TNRC6C: variants seen among roughly 807,000 people sequenced by gnomAD.
TNRC6C encodes the protein trinucleotide repeat containing adaptor 6C.
A neutral mutation model predicts 153.7 loss-of-function variants in TNRC6C; 20 were observed. That is an observed-to-expected ratio of 0.13 (90% CI 0.09 to 0.19). The LOEUF is 0.19. Ranked by LOEUF, TNRC6C falls within the 10% of genes least tolerant of loss-of-function variation. TNRC6C has a pLI of 1.00. For synonymous variants in TNRC6C, 811 were observed against 841.4 expected (o/e 0.96, Z 0.63); for missense variants, 1,987 against 2,172.0 (o/e 0.91, Z 1.69).
chr17:78,069,952 G>A (rs1334990018), intron 5 of TNRC6C, among the ~76,000 whole-genome samples: 2 of 152,144 alleles, frequency 1.3e-5, no homozygotes, highest in African/African-American at 4.8e-5. Context: ...GTGCCTCTTC[G>A]AGAGAACAGG....
At chr17:77,967,541 A>G (rs745893445) in intron 1 of TNRC6C, among the ~76,000 whole-genome samples, 41 of 152,162 alleles carry the variant, frequency 2.7e-4, no homozygotes, top group Non-Finnish European at 5.1e-4. Context: ...GGAAGCTGAC[A>G]GGTGAGGAAC....
At chr17:78,048,586 G>C (rs976584947) in intron 2 of TNRC6C, among the ~76,000 whole-genome samples, 2 of 152,176 alleles carry the variant, frequency 1.3e-5, no homozygotes, top group African/African-American at 4.8e-5. Flanking sequence ...ATGTGCTAAC[G>C]TGCATTGTGA....
At chr17:78,051,476 CAAGT>C in intron 3 of TNRC6C, 28 bp downstream of exon 5, 2 of 787,136 alleles carry the variant, frequency 2.5e-6, no homozygotes, top group Admixed American at 7.0e-5. Context: ...TGTTTCTTTA[CAAGT>C]AAAAAAAAAA....
exon 20 of TNRC6C, chr17:78,107,029 A>G (rs2073709616): frequency 6.6e-6 from 1 of 152,194 alleles, no homozygotes; most frequent in South Asian, 2.1e-4. Context: ...CCTCAGAGTG[A>G]CTGCATCTCA....
chr17:78,096,591 A>G (rs938294207), intron 16 of TNRC6C, among the ~76,000 whole-genome samples: 1 of 152,226 alleles, frequency 6.6e-6, no homozygotes, highest in Non-Finnish European at 1.5e-5. Flanking sequence ...TATTCACTGC[A>G]CAACGCCATG....
chr17:78,059,304 G>A (rs1209477722), intron 3 of TNRC6C, among the ~76,000 whole-genome samples: 1 of 152,174 alleles, frequency 6.6e-6, no homozygotes, highest in African/African-American at 2.4e-5. Context: ...AGTGATCTGT[G>A]CTTTTTGTGG....
At chr17:78,046,069 A>G (rs2072402955) in intron 2 of TNRC6C, among the ~76,000 whole-genome samples, 1 of 151,882 alleles carries the variant, frequency 6.6e-6, no homozygotes, top group African/African-American at 2.4e-5. Context: ...AATGAGGTTG[A>G]TTATTGTTTC....
At chr17:78,078,604 A>T (rs563937744) in intron 9 of TNRC6C, among the ~76,000 whole-genome samples, 136 of 152,308 alleles carry the variant, frequency 8.9e-4, no homozygotes, top group Non-Finnish European at 1.8e-3. Flanking sequence ...GTTGTGTGTG[A>T]AACATTGTAT....
chr17:78,035,584 C>T (rs1234853601), intron 2 of TNRC6C, among the ~76,000 whole-genome samples: 5 of 152,120 alleles, frequency 3.3e-5, no homozygotes, highest in Admixed American at 2.6e-4. Context: ...GGAGAAGGAT[C>T]GCTTGAGCCC....
At chr17:78,069,582 G>A (rs999061878) in intron 5 of TNRC6C, among the ~76,000 whole-genome samples, 4 of 152,096 alleles carry the variant, frequency 2.6e-5, no homozygotes, top group Non-Finnish European at 5.9e-5. Context: ...TAGAGACAGA[G>A]TCTCACTTTG....
At position 78,104,061 on chromosome 17, in the gene TNRC6C, G is replaced by A. The variant is rs915724701; in HGVS notation, c.4713-424G>A. ...GAGTTGCTGTGTCTACTCCCTCCCT[G>A]TGACACATTCCTACACAGGGCCCAG... On this transcript the variant is annotated intron_variant, in intron 19 of 19. Transcript: ENST00000301624. The surrounding 1 kb of genome is among the most constrained non-coding windows in gnomAD (Gnocchi z 6.2). 5.9e-5 allele frequency among the ~76,000 whole-genome samples: 9 copies of A among 152,118 alleles called. No individual in the cohort carries two copies. The highest frequency in any genetic ancestry group is 8.8e-5 in the Non-Finnish European group (6 of 68,030).
intron 1 of TNRC6C, among the ~76,000 whole-genome samples, chr17:77,960,722 A>T (rs1289393968): frequency 1.3e-5 from 2 of 152,222 alleles, no homozygotes; most frequent in East Asian, 3.8e-4. Context: ...CCAGAACAGC[A>T]GAGGTGGCAA....
chr17:77,987,930 T>C (rs955131797), intron 1 of TNRC6C, among the ~76,000 whole-genome samples: 4 of 152,068 alleles, frequency 2.6e-5, no homozygotes, highest in African/African-American at 9.7e-5. Flanking sequence ...TCCGCCCGCC[T>C]TGGCCTCTCA....
At chr17:78,068,799 C>CA (rs927737889) in intron 5 of TNRC6C, among the ~76,000 whole-genome samples, 11 of 150,300 alleles carry the variant, frequency 7.3e-5, no homozygotes, top group East Asian at 5.8e-4. Context: ...GACTCCCTCT[C>CA]AAAAAAAAAG....
intron 1 of TNRC6C, among the ~76,000 whole-genome samples, chr17:78,022,903 CTTA>C (rs761389135): frequency 1.0e-3 from 156 of 152,038 alleles, no homozygotes; most frequent in Admixed American, 1.9e-3. Context: ...ACCTTTTTTT[CTTA>C]TTATTCCATA....
intron 2 of TNRC6C, among the ~76,000 whole-genome samples, chr17:78,036,060 G>A (rs2072172571): frequency 6.6e-6 from 1 of 152,138 alleles, no homozygotes; most frequent in African/African-American, 2.4e-5. Context: ...TGGGTCCGTA[G>A]AACTAAGACT....
At chr17:77,976,301 A>T (rs2070996899) in intron 1 of TNRC6C, among the ~76,000 whole-genome samples, 1 of 152,236 alleles carries the variant, frequency 6.6e-6, no homozygotes, top group African/African-American at 2.4e-5. Flanking sequence ...GGTATGTTTT[A>T]TAAGGTGGGT....
intron 1 of TNRC6C, among the ~76,000 whole-genome samples, chr17:78,005,424 A>G (rs1016775505): frequency 1.3e-5 from 2 of 152,176 alleles, no homozygotes; most frequent in African/African-American, 4.8e-5. Flanking sequence ...TAAGGTTCCA[A>G]TTTCTCATTG....
chr17:77,973,086 T>C (rs1464890705), intron 1 of TNRC6C, among the ~76,000 whole-genome samples: 1 of 152,212 alleles, frequency 6.6e-6, no homozygotes, highest in Non-Finnish European at 1.5e-5. Flanking sequence ...TTTGTATTTT[T>C]AGTAAAGACG....
Sources: gnomAD v4.1 joint callset for allele counts (sites outside exome capture counted in the v4.1 genomes callset) on GRCh38, gnomAD v4.1.1 for gene constraint, Gnocchi (gnomAD v3.1) non-coding constraint, MANE v1.5 for transcripts, NCBI Gene and HGNC (gene_info 2026-07-23, HGNC 2026-07-21) for gene names.